Variants in ANKS1B observed in about 807,000 individuals in gnomAD.
The protein encoded by ANKS1B is ankyrin repeat and sterile alpha motif domain-containing protein 1B.
A neutral mutation model predicts 148.3 loss-of-function variants in ANKS1B; 36 were observed. That is an observed-to-expected ratio of 0.24 (90% CI 0.19 to 0.32). The LOEUF (loss-of-function observed/expected upper bound fraction) is 0.32. Ranked by LOEUF, ANKS1B falls within the 10% of genes least tolerant of loss-of-function variation. The probability of loss-of-function intolerance (pLI) is 1.00; values close to 1 mark genes in which losing one functional copy is unlikely to be tolerated. For missense variants in ANKS1B, 1,157 were observed against 1,542.6 expected, an observed-to-expected ratio of 0.75 and a Z score of 4.19; for synonymous variants, 542 against 560.8, an observed-to-expected ratio of 0.97 and a Z score of 0.47.
rs567624902 is a variant in ANKS1B, at chr12:98,923,312, C to T, written c.2779-91176G>A. Among the ~76,000 whole-genome samples the T allele has an allele frequency of 5.3e-5, 8 of 152,256 alleles. No individual in the cohort carries two copies. In the South Asian group the frequency reaches 1.5e-3, roughly 28 times the overall value. ...TGAGGCCCTCACCAGACACAGCTGC[C>T]TAAGCTTGGGGTTTCCAGGATCATG... On this transcript the variant is annotated intron_variant, in intron 17 of 26. Transcript: ENST00000683438.
chr12:99,464,013 C>T (rs1049461980), intron 10 of ANKS1B, among the ~76,000 whole-genome samples: 5 of 152,144 alleles, frequency 3.3e-5, no homozygotes, highest in Admixed American at 3.3e-4. Flanking sequence ...ACCCCTGACC[C>T]CCAAGCAGCC....
intron 8 of ANKS1B, among the ~76,000 whole-genome samples, chr12:99,769,505 C>T (rs2062993941): frequency 6.6e-6 from 1 of 152,162 alleles, no homozygotes; most frequent in South Asian, 2.1e-4. Context: ...GGAGAACTCT[C>T]CTACACAAGA....
At chr12:99,612,533 C>T (rs545011399) in intron 9 of ANKS1B, among the ~76,000 whole-genome samples, 1 of 152,252 alleles carries the variant, frequency 6.6e-6, no homozygotes, top group East Asian at 1.9e-4. Context: ...GGATTCGAAT[C>T]CTCAAAGTCC....
chr12:98,967,368 G>T (rs1183943475), intron 17 of ANKS1B, among the ~76,000 whole-genome samples: 1 of 151,970 alleles, frequency 6.6e-6, no homozygotes, highest in Non-Finnish European at 1.5e-5. Flanking sequence ...AATGAAGATG[G>T]GAAAAGACCT....
rs539761177 is a variant in ANKS1B at position 99,800,999 on chromosome 12, A to T, written c.669+5405T>A. Reference sequence around the variant, plus strand: ...AGATGAGGGCAGTTAACTATGGAATAGGGACACGATAGATTACATTATTGG... The same window carrying T: ...AGATGAGGGCAGTTAACTATGGAATTGGGACACGATAGATTACATTATTGG... On this transcript the variant is annotated intron_variant, in intron 4 of 26. Coordinates refer to ENST00000683438, the MANE Select transcript of ANKS1B (RefSeq NM_001352186.2). Among the ~76,000 whole-genome samples the T allele has an allele frequency of 2.0e-5, 3 of 152,178 alleles. No homozygotes were observed. In the South Asian group the frequency reaches 6.2e-4, roughly 32 times the overall value.
intron 21 of ANKS1B, 128 bp downstream of exon 21, chr12:98,800,868 GA>G (rs1343486213): frequency 1.7e-6 from 2 of 1,196,448 alleles, no homozygotes; most frequent in African/African-American, 3.1e-5. Flanking sequence ...AAAGTGAAGA[GA>G]AAAACATTTT....
chr12:99,876,795 T>C (rs1439775983), intron 1 of ANKS1B, among the ~76,000 whole-genome samples: 6 of 151,950 alleles, frequency 3.9e-5, no homozygotes, highest in Admixed American at 2.6e-4. Context: ...TTTGGAAAAG[T>C]ATAAGTATAA....
At chr12:99,739,867 C>T (rs1467771927) in intron 8 of ANKS1B, among the ~76,000 whole-genome samples, 12 of 152,198 alleles carry the variant, frequency 7.9e-5, no homozygotes, top group Admixed American at 7.9e-4. Flanking sequence ...CCTTGTTTTA[C>T]TTCTGCCCTT....
chr12:99,632,767 A>ATATTT (rs1441486862), intron 9 of ANKS1B, among the ~76,000 whole-genome samples: 1 of 71,336 alleles, frequency 1.4e-5, no homozygotes, highest in Non-Finnish European at 2.9e-5. Flanking sequence ...ATATATATAT[A>ATATTT]TTTTAATTAT....
intron 15 of ANKS1B, among the ~76,000 whole-genome samples, chr12:99,142,601 C>T (rs1217974359): frequency 6.6e-6 from 1 of 152,068 alleles, no homozygotes; most frequent in African/African-American, 2.4e-5. Flanking sequence ...TTTCTTCTGC[C>T]TCCAAGATAA....
At chr12:98,766,195 G>C (rs2098478407) in intron 25 of ANKS1B, among the ~76,000 whole-genome samples, 1 of 152,204 alleles carries the variant, frequency 6.6e-6, no homozygotes, top group African/African-American at 2.4e-5. Flanking sequence ...TTGTGGCCTG[G>C]TTAGTTCTCA....
intron 9 of ANKS1B, among the ~76,000 whole-genome samples, chr12:99,645,717 G>A (rs1263392585): frequency 6.6e-6 from 1 of 152,140 alleles, no homozygotes; most frequent in Non-Finnish European, 1.5e-5. Flanking sequence ...TTAGCTATCT[G>A]AGCTTCTCAA....
At chr12:98,885,517 C>A (rs1205398692) in intron 17 of ANKS1B, among the ~76,000 whole-genome samples, 4 of 152,190 alleles carry the variant, frequency 2.6e-5, no homozygotes, top group Non-Finnish European at 4.4e-5. Flanking sequence ...GATCAAAGGG[C>A]TGATTCAACA....
At chr12:99,427,061 C>T (rs929135961) in intron 11 of ANKS1B, among the ~76,000 whole-genome samples, 8 of 152,308 alleles carry the variant, frequency 5.3e-5, no homozygotes, top group East Asian at 3.9e-4. Flanking sequence ...CCCTATACTT[C>T]GGATTTACCC....
intron 1 of ANKS1B, among the ~76,000 whole-genome samples, chr12:99,978,954 A>G (rs1603588009): frequency 6.6e-6 from 1 of 152,342 alleles, no homozygotes; most frequent in East Asian, 1.9e-4. Flanking sequence ...AAGTTTTATC[A>G]CTGTATTAAA....
At chr12:98,807,792 C>T in intron 20 of ANKS1B, 52 bp downstream of exon 20, 1 of 1,529,522 alleles carries the variant, frequency 6.5e-7, no homozygotes, top group South Asian at 1.2e-5. Flanking sequence ...CACTGTGCAA[C>T]ACAGTACATA....
chr12:98,748,435 CTACACCA>C (rs932151017), intron 26 of ANKS1B, among the ~76,000 whole-genome samples: 2 of 152,188 alleles, frequency 1.3e-5, no homozygotes, highest in African/African-American at 2.4e-5. Context: ...TCAGGTGGAT[CTACACCA>C]TGGCTGCCTC....
chr12:99,577,074 T>C (rs2097526285), intron 9 of ANKS1B, among the ~76,000 whole-genome samples: 1 of 151,948 alleles, frequency 6.6e-6, no homozygotes, highest in Non-Finnish European at 1.5e-5. Context: ...GCAGGAATTT[T>C]GTAGAGGGGA....
chr12:99,192,027 G>C (rs2080791269), intron 14 of ANKS1B, among the ~76,000 whole-genome samples: 1 of 149,378 alleles, frequency 6.7e-6, no homozygotes, highest in Non-Finnish European at 1.5e-5. Flanking sequence ...AGCTACTCAG[G>C]AGGCTAAGGC....
Sources: allele counts gnomAD v4.1 joint callset (sites outside exome capture counted in the v4.1 genomes callset), GRCh38; gene constraint gnomAD v4.1.1; transcripts MANE v1.5; gene names NCBI Gene and HGNC (gene_info 2026-07-23, HGNC 2026-07-21).